Variants in SRMS observed in about 807,000 individuals in gnomAD.
SRMS encodes the protein src-related kinase lacking C-terminal regulatory tyrosine and N-terminal myristylation sites, also known as tyrosine-protein kinase Srms.
Under a neutral mutation model 43.5 loss-of-function variants are expected in SRMS, and 42 were observed. That is an observed-to-expected ratio of 0.97 (90% CI 0.75 to 1.25). The LOEUF (loss-of-function observed/expected upper bound fraction) is 1.25, where lower values mean the gene tolerates loss of function less well. SRMS is among the 50% of genes most tolerant of loss of function. SRMS has a pLI of 0.00. For missense variants in SRMS, 703 were observed against 681.0 expected, an observed-to-expected ratio of 1.03 and a Z score of -0.36; for synonymous variants, 316 against 308.2, an observed-to-expected ratio of 1.03 and a Z score of -0.27.
At chr20:63,545,480 C>T (rs1034524634) in intron 1 of SRMS, among the ~76,000 whole-genome samples, 1 of 152,142 alleles carries the variant, frequency 6.6e-6, no homozygotes, top group African/African-American at 2.4e-5. Context: ...TAGGAGAGGA[C>T]CCGAGGTGGG....
At chr20:63,547,016 G>A (rs2082735495) in intron 1 of SRMS, 92 bp downstream of exon 1, 1 of 1,153,264 alleles carries the variant, frequency 8.7e-7, no homozygotes, top group South Asian at 1.6e-5. Flanking sequence ...GATAGCCACG[G>A]ACATGCGATT....
intron 1 of SRMS, among the ~76,000 whole-genome samples, 160 bp downstream of exon 1, chr20:63,546,948 G>A (rs1263062665): frequency 2.6e-5 from 4 of 152,362 alleles, no homozygotes; most frequent in East Asian, 1.9e-4. Flanking sequence ...CACACCTGCC[G>A]GCCCGGGGCC....
intron 1 of SRMS, among the ~76,000 whole-genome samples, chr20:63,546,441 G>A (rs2082731264): frequency 6.6e-6 from 1 of 152,188 alleles, no homozygotes; most frequent in Admixed American, 6.5e-5. Flanking sequence ...AGCCGCACTG[G>A]GCATCTGGAC....
Position 63,547,628 on chromosome 20 carries a change from G to T in SRMS, c.-165C>A. The T allele has an allele frequency of 3.1e-6, 2 of 636,680 alleles. No individual in the cohort carries two copies. Among genetic ancestry groups the T allele is most frequent in the Non-Finnish European group, 5.0e-6 (2 of 399,408 alleles). The allele number at this position is 636,680 out of a possible 1,614,324, so 39.4% of individuals were successfully genotyped here. A position where few individuals can be genotyped will look rare whatever the true frequency, so the allele number is the denominator to read the frequency against. On this transcript the variant is annotated 5_prime_UTR_variant, in exon 1 of 8. Transcript: ENST00000217188. ...ACTCAGAGGTCCCCTGGATCCAGGA[G>T]GCACACGGTTCCCACCGGCGTCCGG...
chr20:63,543,778 G>A (rs1489899978), intron 2 of SRMS: 7 of 394,318 alleles, frequency 1.8e-5, no homozygotes, highest in Non-Finnish European at 3.2e-5. Context: ...GAATAAGGAA[G>A]GAAAGAAGGA....
Position 63,547,294 on chromosome 20 carries a change from A to G in SRMS, c.170T>C (p.Leu57Pro). 6.2e-7 allele frequency: 1 copy of G among 1,605,726 alleles called. No individual in the cohort carries two copies. The highest frequency in any genetic ancestry group is 8.5e-7 in the Non-Finnish European group (1 of 1,174,966). Residue 57 changes from leucine (L) to proline (P), a missense_variant, in exon 1 of 8, where the codon CTT (leucine) becomes CCT (proline). Physicochemically the swap from Leu to Pro is moderately conservative, Grantham distance 98. Coordinates refer to ENST00000217188, the MANE Select transcript of SRMS (RefSeq NM_080823.4). ...CCGCGCCGTGAAGTCATAGAGCGCAAGGAAGAGCTGAGGGAAGGGGCTGCA... is the reference window on the plus strand; with the variant it reads ...CCGCGCCGTGAAGTCATAGAGCGCAGGGAAGAGCTGAGGGAAGGGGCTGCA... ...EPCSPFPQLF[L>P]ALYDFTARCG... is the part of the protein sequence containing the mutation.
chr20:63,539,380 C>T lies in SRMS; in HGVS notation c.*1438G>A, dbSNP rs964763810. Among the ~76,000 whole-genome samples the T allele has an allele frequency of 7.9e-5, 12 of 152,256 alleles. No individual in the cohort carries two copies. Among genetic ancestry groups the T allele is most frequent in the Non-Finnish European group, 1.5e-4 (10 of 68,048 alleles). On this transcript the variant is annotated 3_prime_UTR_variant, in exon 8 of 8. Coordinates refer to ENST00000217188, the MANE Select transcript of SRMS (RefSeq NM_080823.4). ...ACACGGGAGTCTCATCTCTTAGCTC[C>T]CTCCTGAGCCAGGCTTTGGCCGGGG...
In SRMS at chr20:63,541,195, A is replaced by G. The variant is rs145873378; in HGVS notation, c.1281T>C (p.Tyr427=). ...TCTGGCTGCCTGGGGACCCACCTTCATAGGGACACTGGCCATAGGTGAAAA... is the reference window on the plus strand; with the variant it reads ...TCTGGCTGCCTGGGGACCCACCTTCGTAGGGACACTGGCCATAGGTGAAAA... ...HEVFTYGQCP[Y]EGMTNHETLQ... Residue 427 remains tyrosine, a synonymous_variant, in exon 7 of 8, where the codon TAT becomes TAC. Transcript: ENST00000217188. 197 of 1,554,686 alleles carry G rather than the reference A, an allele frequency of 1.3e-4. No homozygotes were observed. The highest frequency in any genetic ancestry group is 1.7e-4 in the Non-Finnish European group (191 of 1,154,942).
rs373889067 is a variant in SRMS, at chr20:63,547,344, T to C, written c.120A>G (p.Pro40=). Residue 40 remains proline, a synonymous_variant, in exon 1 of 8, where the codon CCA becomes CCG. Coordinates refer to ENST00000217188, the MANE Select transcript of SRMS (RefSeq NM_080823.4). ...TPGSLDPNTD[P]VPTLPAEPCS... ...AAGGCTCGGCGGGGAGCGTGGGCAC[T>C]GGGTCAGTGTTGGGGTCCAGGGACC... The C allele has an allele frequency of 1.3e-6, 2 of 1,588,636 alleles. No individual in the cohort carries two copies. Among genetic ancestry groups the C allele is most frequent in the Non-Finnish European group, 1.7e-6 (2 of 1,166,116 alleles).
chr20:63,540,969 AT>A lies in SRMS; in HGVS notation c.1315del (p.Ile439SerfsTer132). 2 of 1,608,708 alleles carry A rather than the reference AT, an allele frequency of 1.2e-6. No individual in the cohort carries two copies. The highest frequency in any genetic ancestry group is 1.7e-6 in the Non-Finnish European group (2 of 1,179,506). ...GCGCGGCAGCCGGTACCCTCGCATG[AT>A]CTGCTGCAGCGTCTCGTGGTTGGTC... ...GMTNHETLQQ[I>X]MRGYRLPRPA... On this transcript the variant is annotated frameshift_variant, in exon 8 of 8. Transcript: ENST00000217188. LOFTEE classifies it low-confidence loss of function (END_TRUNC).
intron 1 of SRMS, among the ~76,000 whole-genome samples, chr20:63,544,733 T>C (rs1412963454): frequency 1.3e-5 from 2 of 152,260 alleles, no homozygotes; most frequent in African/African-American, 4.8e-5. Context: ...CCTGGTGAGC[T>C]GCCCGGAAGC....
At chr20:63,544,758 G>A (rs1207643577) in intron 1 of SRMS, among the ~76,000 whole-genome samples, 2 of 152,242 alleles carry the variant, frequency 1.3e-5, no homozygotes, top group African/African-American at 4.8e-5. Flanking sequence ...CTGGGCTGTC[G>A]TGGCTGTACA....
At position 63,547,170 on chromosome 20, in the gene SRMS, G is replaced by A. The variant is rs138914729; in HGVS notation, c.294C>T (p.Ser98=). The A allele has an allele frequency of 1.5e-5, 24 of 1,611,284 alleles. No individual in the cohort carries two copies. Among genetic ancestry groups the A allele is most frequent in the Middle Eastern group, 3.3e-4 (2 of 6,014 alleles). ...CGTGGGTGATGGGCACGAGCCCGGC[G>A]CTGGGCTGGCCCGAAAGCCTGCGTG... ...IFARRLSGQP[S]AGLVPITHVA... Residue 98 remains serine (S), a synonymous_variant, in exon 1 of 8, where the codon AGC becomes AGT. Transcript: ENST00000217188.
rs1569016571 is a variant in SRMS at position 63,540,934 on chromosome 20, AGGCAGCCGGGCGC to A, written c.1338_1350del (p.Arg447AlafsTer120). 6.2e-7 allele frequency: 1 copy of A among 1,607,078 alleles called. No homozygotes were observed. The highest frequency in any genetic ancestry group is 2.2e-5 in the East Asian group (1 of 44,850). On this transcript the variant is annotated frameshift_variant, in exon 8 of 8. Transcript: ENST00000217188. LOFTEE classifies it low-confidence loss of function (END_TRUNC). Reference sequence around the variant, plus strand: ...ATGAGCACGTAGACCTCCGCCGGGCAGGCAGCCGGGCGCGGCAGCCGGTACCCTCGCATGATCT... The same window carrying A: ...ATGAGCACGTAGACCTCCGCCGGGCAGGCAGCCGGTACCCTCGCATGATCT...
Position 63,538,802 on chromosome 20 carries a change from C to G in SRMS, c.*2016G>C, listed in dbSNP as rs556598341. On this transcript the variant is annotated 3_prime_UTR_variant, in exon 8 of 8. Coordinates refer to ENST00000217188, the MANE Select transcript of SRMS (RefSeq NM_080823.4). ...TCAGAGCCCGGCCAGACTCTGGGCCCGTGAGTCTATGTCCAGGAAGCCTCG... is the reference window on the plus strand; with the variant it reads ...TCAGAGCCCGGCCAGACTCTGGGCCGGTGAGTCTATGTCCAGGAAGCCTCG... Among the ~76,000 whole-genome samples the G allele has an allele frequency of 6.6e-6, 1 of 152,066 alleles. No individual in the cohort carries two copies. Among genetic ancestry groups the G allele is most frequent in the African/African-American group, 2.4e-5 (1 of 41,412 alleles).
Position 63,538,748 on chromosome 20 carries a change from T to G in SRMS, c.*2070A>C, listed in dbSNP as rs2082686852. On this transcript the variant is annotated 3_prime_UTR_variant, in exon 8 of 8. Coordinates refer to ENST00000217188, the MANE Select transcript of SRMS (RefSeq NM_080823.4). ...GGGGGTGGGGAATGCGGAAGGAGGG[T>G]GCCGGGGCACCTGGCCGGGCAGCGT... Among the ~76,000 whole-genome samples the G allele has an allele frequency of 3.4e-5, 5 of 148,196 alleles. No individual in the cohort carries two copies. Among genetic ancestry groups the G allele is most frequent in the Admixed American group, 6.7e-5 (1 of 15,032 alleles).
In SRMS at chr20:63,546,248, G is replaced by A. The variant is rs540804710; in HGVS notation, c.356+860C>T. Among the ~76,000 whole-genome samples the A allele has an allele frequency of 8.5e-5, 13 of 152,186 alleles. No individual in the cohort carries two copies. The South Asian group carries it at 1.5e-3, about 17-fold the overall frequency. On this transcript the variant is annotated intron_variant, in intron 1 of 7. Coordinates refer to ENST00000217188, the MANE Select transcript of SRMS (RefSeq NM_080823.4). Reference sequence around the variant, plus strand: ...GGCAGGTGTGGGGTGAGGGCCTGGGGCCCCTCAGAAGGCCCCTTCCTGTGA... The same window carrying A: ...GGCAGGTGTGGGGTGAGGGCCTGGGACCCCTCAGAAGGCCCCTTCCTGTGA...
At chr20:63,542,888 C>T (rs1023712045) in intron 3 of SRMS, among the ~76,000 whole-genome samples, 3 of 152,186 alleles carry the variant, frequency 2.0e-5, no homozygotes, top group Admixed American at 6.5e-5. Flanking sequence ...CCCTGGCCCT[C>T]GGCAGGGTGG....
At chr20:63,543,621 G>A in intron 2 of SRMS, 141 bp from the exon 3 acceptor site, 1 of 1,046,544 alleles carries the variant, frequency 9.6e-7, no homozygotes, top group Non-Finnish European at 1.4e-6. Flanking sequence ...AGAGCTGTGT[G>A]GAGGAGGGAG....
Sources: gnomAD v4.1 joint callset for allele counts (sites outside exome capture counted in the v4.1 genomes callset) on GRCh38, gnomAD v4.1.1 for gene constraint, MANE v1.5 for transcripts, NCBI Gene and HGNC (gene_info 2026-07-23, HGNC 2026-07-21) for gene names.